The following GRAMD2A variants were observed in gnomAD, a reference collection of about 807,000 sequenced individuals.
GRAMD2A encodes GRAM domain containing 2A, also known as GRAM domain-containing protein 2A.
GRAMD2A carries 37 observed loss-of-function variants against 51.1 expected under a neutral mutation model. That is an observed-to-expected ratio of 0.72 (90% CI 0.56 to 0.95). The LOEUF is 0.95. Among genes scored for constraint, GRAMD2A ranks in the 40% least tolerant of loss-of-function variants. The probability of loss-of-function intolerance (pLI) is 0.00; values close to 1 mark genes in which losing one functional copy is unlikely to be tolerated. For missense variants in GRAMD2A, 414 were observed against 426.9 expected (o/e 0.97, Z 0.27); for synonymous variants, 136 against 157.1 (o/e 0.87, Z 1.01).
chr15:72,197,652 G>T, intron 1 of GRAMD2A, 79 bp downstream of exon 1: 1 of 1,163,064 alleles, frequency 8.6e-7, no homozygotes, highest in Non-Finnish European at 1.1e-6. Flanking sequence ...CCCAGGAGCC[G>T]TCCTGCCCCG....
At chr15:72,176,063 A>T (rs1567087227) in intron 1 of GRAMD2A, 1 of 152,434 alleles carries the variant, frequency 6.6e-6, no homozygotes, top group Non-Finnish European at 1.5e-5. Flanking sequence ...ATCAAAGAGG[A>T]ACTCAGGTGG....
chr15:72,194,974 C>T (rs1025732363), intron 1 of GRAMD2A, among the ~76,000 whole-genome samples: 2 of 152,176 alleles, frequency 1.3e-5, no homozygotes, highest in Non-Finnish European at 1.5e-5. Context: ...AGGTGTGAGC[C>T]GCCGCGCCCG....
Position 72,167,020 on chromosome 15 carries a change from C to T in GRAMD2A, c.445G>A (p.Ala149Thr). 6.2e-7 allele frequency: 1 copy of T among 1,613,952 alleles called. No individual in the cohort carries two copies. The highest frequency in any genetic ancestry group is 8.5e-7 in the Non-Finnish European group (1 of 1,179,858). Residue 149 changes from alanine to threonine, a missense_variant, in exon 6 of 12, where the codon GCC becomes ACC. Coordinates refer to ENST00000309731, the MANE Select transcript of GRAMD2A (RefSeq NM_001012642.3). Reference protein sequence around the residue: ...KMARLLPNGLAITTNTSQKYI... With the variant: ...KMARLLPNGLTITTNTSQKYI... ...TTCTGGCTGGTGTTGGTGGTGATGG[C>T]CAGTCCATTGGGAAGGAGCCGTGCC...
In GRAMD2A at chr15:72,161,760, T is replaced by C. The variant is rs1191128367; in HGVS notation, c.*249A>G. 7 of 518,728 alleles carry C rather than the reference T, an allele frequency of 1.3e-5. No individual in the cohort carries two copies. The South Asian group carries it at 1.5e-4, about 11-fold the overall frequency. 32.1% of individuals were successfully genotyped at this position (518,728 alleles called of 1,614,324 possible). A position where few individuals can be genotyped will look rare whatever the true frequency, so the allele number is the denominator to read the frequency against. ...AAGCTTTGTGTACAGAATTCCTCAG[T>C]TGGTTCCAAAAAATCTGGCTTTTTG... is the stretch of plus-strand genomic sequence containing the variant. On this transcript the variant is annotated 3_prime_UTR_variant, in exon 12 of 12. Transcript: ENST00000309731.
chr15:72,169,185 G>T, intron 2 of GRAMD2A, 189 bp from the exon 3 acceptor site: 2 of 616,568 alleles, frequency 3.2e-6, no homozygotes, highest in Admixed American at 2.6e-5. Flanking sequence ...GCTCATCCCT[G>T]GGGGAGGGCA....
intron 2 of GRAMD2A, chr15:72,169,475 C>A (rs1282728688): frequency 1.9e-6 from 1 of 527,050 alleles, no homozygotes; most frequent in African/African-American, 1.9e-5. Flanking sequence ...CTGCCGCCTC[C>A]TTCCTGTGGC....
chr15:72,169,376 G>A (rs766668056), intron 2 of GRAMD2A: 15 of 468,418 alleles, frequency 3.2e-5, no homozygotes, highest in Non-Finnish European at 4.5e-5. Flanking sequence ...CTGGAATAGG[G>A]ACAGTTTGGG....
rs756760389 is a variant in GRAMD2A, at chr15:72,169,010, A to G, written c.135-14T>C. 6.2e-7 allele frequency: 1 copy of G among 1,613,752 alleles called. No individual in the cohort carries two copies. The highest frequency in any genetic ancestry group is 8.5e-7 in the Non-Finnish European group (1 of 1,179,608). On this transcript the variant is annotated splice_polypyrimidine_tract_variant and intron_variant, in intron 2 of 11. Transcript: ENST00000309731. The stretch of plus-strand genomic sequence containing the variant: ...GGCCAGTGCAGACTGCAAAGGAGAC[A>G]TTCCATTTCGGGAACAAGGAACCCC...
chr15:72,168,822 C>T, intron 3 of GRAMD2A, 117 bp downstream of exon 3: 1 of 931,072 alleles, frequency 1.1e-6, no homozygotes, highest in Non-Finnish European at 1.8e-6. Flanking sequence ...GATACACACT[C>T]AGGTCTCCTG....
chr15:72,178,568 CTTTTTTTTTTTTT>C (rs537075334), intron 1 of GRAMD2A, among the ~76,000 whole-genome samples: 1 of 84,200 alleles, frequency 1.2e-5, no homozygotes, highest in Non-Finnish European at 2.2e-5. Context: ...CTTGCACTTT[CTTTTTTTTTTTTT>C]TTTTTTTTTT....
chr15:72,171,815 A>G (rs1196791778), intron 1 of GRAMD2A, among the ~76,000 whole-genome samples: 1 of 148,512 alleles, frequency 6.7e-6, no homozygotes, highest in African/African-American at 2.5e-5. Context: ...TCATTTGTAT[A>G]AATTTTTTCT....
At chr15:72,165,714 C>T (rs923011278) in intron 7 of GRAMD2A, among the ~76,000 whole-genome samples, 4 of 152,224 alleles carry the variant, frequency 2.6e-5, no homozygotes, top group African/African-American at 9.6e-5. Flanking sequence ...TAAGGAAGCA[C>T]AAGTGAGGGC....
rs987659240 is a variant in GRAMD2A, at chr15:72,161,053, C to G, written c.*956G>C. The G allele has an allele frequency of 6.6e-6, 1 of 152,320 alleles. No homozygotes were observed. The highest frequency in any genetic ancestry group is 2.4e-5 in the African/African-American group (1 of 41,478). The allele number at this position is 152,320 out of a possible 1,614,324, so 9.4% of individuals were successfully genotyped here. On this transcript the variant is annotated 3_prime_UTR_variant, in exon 12 of 12. Transcript: ENST00000309731. ...CACGCAACTGTCCAGACAAGCCCCC[C>G]TCAACGGGCTGCTGTTGGCCATGCC...
chr15:72,188,219 C>T (rs549948010), intron 1 of GRAMD2A, among the ~76,000 whole-genome samples: 16 of 152,008 alleles, frequency 1.1e-4, no homozygotes, highest in Non-Finnish European at 2.1e-4. Context: ...CAGCTGTAAT[C>T]CCAGCTACTC....
chr15:72,185,822 T>C (rs941763103), intron 1 of GRAMD2A, among the ~76,000 whole-genome samples: 10 of 152,230 alleles, frequency 6.6e-5, no homozygotes, highest in African/African-American at 1.7e-4. Flanking sequence ...ATAAATGATA[T>C]TGGGGCAATT....
At chr15:72,167,130 C>T (rs970671213) in intron 5 of GRAMD2A, 38 bp from the exon 6 acceptor site, 1 of 1,490,628 alleles carries the variant, frequency 6.7e-7, no homozygotes, top group South Asian at 1.1e-5. Flanking sequence ...GGACTAACCC[C>T]CAAGGACGTG....
intron 1 of GRAMD2A, among the ~76,000 whole-genome samples, chr15:72,194,116 C>G (rs2081788482): frequency 6.6e-6 from 1 of 152,230 alleles, no homozygotes; most frequent in Non-Finnish European, 1.5e-5. Flanking sequence ...GCCCTGAAGT[C>G]CAGGTGAATA....
intron 1 of GRAMD2A, among the ~76,000 whole-genome samples, chr15:72,182,583 A>T (rs1023390431): frequency 2.6e-5 from 4 of 152,182 alleles, no homozygotes; most frequent in Non-Finnish European, 5.9e-5. Flanking sequence ...CAATCCACAG[A>T]ATGGGAGAGA....
chr15:72,194,710 CAG>C (rs2081792443), intron 1 of GRAMD2A, among the ~76,000 whole-genome samples: 1 of 151,816 alleles, frequency 6.6e-6, no homozygotes, highest in Admixed American at 6.6e-5. Flanking sequence ...TATTTTGAGA[CAG>C]AGTCTCACTC....
Sources: allele counts gnomAD v4.1 joint callset (sites outside exome capture counted in the v4.1 genomes callset), GRCh38; gene constraint gnomAD v4.1.1; transcripts MANE v1.5; gene names NCBI Gene and HGNC (gene_info 2026-07-23, HGNC 2026-07-21).